Variants in TDRD1 observed in about 807,000 individuals in gnomAD.
TDRD1 encodes tudor domain containing 1.
TDRD1 carries 37 observed loss-of-function variants against 140.6 expected under a neutral mutation model. That is an observed-to-expected ratio of 0.26 (90% CI 0.20 to 0.35). The LOEUF is 0.35. TDRD1 is among the 10% of genes least tolerant of loss of function. The pLI, the probability that TDRD1 is intolerant of heterozygous loss-of-function variation, is 1.00. For synonymous variants in TDRD1, 506 were observed against 475.7 expected, an observed-to-expected ratio of 1.06 and a Z score of -0.83; for missense variants, 1,243 against 1,393.0, an observed-to-expected ratio of 0.89 and a Z score of 1.71.
At chr10:114,199,086 G>T in intron 3 of TDRD1, 87 bp from the exon 4 acceptor site, 1 of 1,402,246 alleles carries the variant, frequency 7.1e-7, no homozygotes, top group Non-Finnish European at 9.7e-7. Context: ...ACATCTACTT[G>T]ATCTTATCTG....
At chr10:114,198,220 G>C (rs1040940057) in intron 3 of TDRD1, among the ~76,000 whole-genome samples, 2 of 152,144 alleles carry the variant, frequency 1.3e-5, no homozygotes, top group Non-Finnish European at 2.9e-5. Flanking sequence ...AGAGAGGCCC[G>C]ACTGAAGGAG....
rs2035508029 is a variant in TDRD1, at chr10:114,211,846, T to A, written c.1661-20T>A. The A allele has an allele frequency of 2.0e-6, 3 of 1,499,600 alleles. No individual in the cohort carries two copies. Among genetic ancestry groups the A allele is most frequent in the Non-Finnish European group, 2.7e-6 (3 of 1,131,536 alleles). 92.9% of individuals were successfully genotyped at this position (1,499,600 alleles called of 1,614,324 possible). On this transcript the variant is annotated intron_variant, in intron 13 of 25. Transcript: ENST00000251864. ...CTACAGTGGAAAAATCATTTGAGAT[T>A]GAGTCTCTCCCTTTTTCAGAGGATG...
intron 21 of TDRD1, among the ~76,000 whole-genome samples, chr10:114,223,239 A>G (rs781700420): frequency 7.9e-5 from 12 of 152,210 alleles, no homozygotes; most frequent in Admixed American, 2.6e-4. Context: ...GTCAGGTCCA[A>G]TTGGCAGGCA....
exon 22 of TDRD1, chr10:114,226,182 G>A (rs748715176): frequency 3.3e-5 from 53 of 1,613,432 alleles, no homozygotes; most frequent in South Asian, 4.4e-5. Context: ...GCCACCTGGC[G>A]CTTCCTTTCC....
At chr10:114,203,818 A>T (rs2034923957) in intron 8 of TDRD1, among the ~76,000 whole-genome samples, 1 of 152,152 alleles carries the variant, frequency 6.6e-6, no homozygotes. Flanking sequence ...TGTTTTATTT[A>T]GGTATTAGTG....
intron 21 of TDRD1, among the ~76,000 whole-genome samples, chr10:114,223,086 G>T (rs1260778475): frequency 6.6e-6 from 1 of 152,230 alleles, no homozygotes; most frequent in Admixed American, 6.5e-5. Flanking sequence ...GCTCATTGAT[G>T]AGGGTATACT....
intron 3 of TDRD1, among the ~76,000 whole-genome samples, chr10:114,193,330 T>C (rs959041467): frequency 2.7e-5 from 4 of 150,510 alleles, no homozygotes; most frequent in African/African-American, 9.8e-5. Context: ...TTTGTTCTTG[T>C]TGTCCAGGCT....
chr10:114,204,963 G>A (rs377649997), intron 10 of TDRD1, 70 bp downstream of exon 10: 15 of 1,388,972 alleles, frequency 1.1e-5, no homozygotes, highest in South Asian at 6.8e-5. Flanking sequence ...CAGAAGAAAC[G>A]GAAACATCAA....
chr10:114,228,231 G>C, intron 25 of TDRD1: 2 of 1,450,448 alleles, frequency 1.4e-6, no homozygotes, highest in Admixed American at 2.9e-5. Flanking sequence ...CTATTGTAAG[G>C]CTGTACTTTC....
chr10:114,185,139 A>G (rs143890329), intron 1 of TDRD1, among the ~76,000 whole-genome samples: 4 of 152,290 alleles, frequency 2.6e-5, no homozygotes, highest in African/African-American at 9.6e-5. Flanking sequence ...ACACACCTCA[A>G]AACAACATTA....
intron 10 of TDRD1, 143 bp from the exon 11 acceptor site, chr10:114,206,101 G>A: frequency 1.6e-6 from 1 of 621,204 alleles, no homozygotes; most frequent in African/African-American, 1.8e-5. Context: ...CTTACCCATA[G>A]GAACTGAATT....
intron 1 of TDRD1, among the ~76,000 whole-genome samples, chr10:114,180,522 A>G (rs1301160789): frequency 1.3e-5 from 2 of 152,062 alleles, no homozygotes; most frequent in African/African-American, 2.4e-5. Flanking sequence ...CTGGAGTGCA[A>G]TGGCGCGATC....
intron 20 of TDRD1, among the ~76,000 whole-genome samples, chr10:114,222,229 G>A (rs1164882432): frequency 6.6e-6 from 1 of 152,110 alleles, no homozygotes; most frequent in Non-Finnish European, 1.5e-5. Flanking sequence ...AAATGCTATT[G>A]AGGATAATTT....
chr10:114,182,227 G>A (rs1368037138), intron 1 of TDRD1, among the ~76,000 whole-genome samples: 1 of 152,202 alleles, frequency 6.6e-6, no homozygotes, highest in African/African-American at 2.4e-5. Flanking sequence ...GGCAGCAACA[G>A]CTGGGAAGGG....
chr10:114,183,146 T>C (rs79352661), intron 1 of TDRD1, among the ~76,000 whole-genome samples: 5,221 of 152,280 alleles, frequency 0.034, 130 homozygotes, highest in Non-Finnish European at 0.051. Context: ...TAGGTAACTG[T>C]AATACAGGGT....
chr10:114,216,588 T>C (rs1050101496), intron 16 of TDRD1, among the ~76,000 whole-genome samples: 1 of 152,232 alleles, frequency 6.6e-6, no homozygotes, highest in African/African-American at 2.4e-5. Context: ...GTTTCCAAGC[T>C]TTTATTACTA....
chr10:114,228,345 TA>T (rs2036562563), intron 25 of TDRD1: 2 of 1,299,440 alleles, frequency 1.5e-6, no homozygotes, highest in Admixed American at 3.8e-5. Flanking sequence ...CCCCCAGGGG[TA>T]TTCCAGTTGT....
At chr10:114,218,535 A>G in exon 18 of TDRD1, 3 of 1,611,438 alleles carry the variant, frequency 1.9e-6, no homozygotes, top group Non-Finnish European at 2.5e-6. Flanking sequence ...GAATGATATC[A>G]TCAACATTTT....
At chr10:114,197,609 G>A (rs932128124) in intron 3 of TDRD1, among the ~76,000 whole-genome samples, 2 of 148,288 alleles carry the variant, frequency 1.3e-5, no homozygotes, top group Non-Finnish European at 3.0e-5. Context: ...GGTGCAATGA[G>A]TTATTGTCTA....
Sources: gnomAD v4.1 joint callset for allele counts (sites outside exome capture counted in the v4.1 genomes callset) on GRCh38, gnomAD v4.1.1 for gene constraint, MANE v1.5 for transcripts, NCBI Gene and HGNC (gene_info 2026-07-23, HGNC 2026-07-21) for gene names.